The following ZNF519 variants were observed in gnomAD, a reference collection of about 807,000 sequenced individuals.
The protein encoded by ZNF519 is zinc finger protein 519.
Under a neutral mutation model 7.4 loss-of-function variants are expected in ZNF519, and 7 were observed. The ratio of observed to expected loss-of-function variants is 0.94; its 90% CI spans 0.54 to 1.77. The LOEUF is 1.77. ZNF519 is among the 40% of genes most tolerant of loss of function. The probability of loss-of-function intolerance (pLI) is 0.00; values close to 1 mark genes in which losing one functional copy is unlikely to be tolerated. For missense variants in ZNF519, 586 were observed against 623.1 expected, an observed-to-expected ratio of 0.94 and a Z score of 0.63; for synonymous variants, 179 against 203.3, an observed-to-expected ratio of 0.88 and a Z score of 1.02.
chr18:14,120,242 C>T (rs948449989), intron 2 of ZNF519, among the ~76,000 whole-genome samples: 2 of 152,138 alleles, frequency 1.3e-5, no homozygotes, highest in Middle Eastern at 6.8e-3. Context: ...AGAAGCAATC[C>T]ATGCATACAA....
At chr18:14,132,189 G>C in intron 1 of ZNF519, 86 bp downstream of exon 1, 1 of 1,520,912 alleles carries the variant, frequency 6.6e-7, no homozygotes, top group Non-Finnish European at 9.1e-7. Context: ...GACTCGACTC[G>C]CAGACTAGGT....
At chr18:14,077,862 G>A (rs544761129) in intron 4 of ZNF519, among the ~76,000 whole-genome samples, 143 of 152,302 alleles carry the variant, frequency 9.4e-4, no homozygotes, top group Non-Finnish European at 1.6e-3. Flanking sequence ...TATGAATAAA[G>A]AAATGGGATC....
chr18:14,104,022 AT>A lies in ZNF519; in HGVS notation c.*894del, dbSNP rs1279740200. ...TGATACCATGACCTATGTTAAAAAA[AT>A]GTGTTCTCTCTTTTCTTAAACTGAG... is the stretch of plus-strand genomic sequence containing the variant. On this transcript the variant is annotated 3_prime_UTR_variant, in exon 3 of 3. Transcript: ENST00000590202. The A allele has an allele frequency of 1.3e-5, 2 of 152,204 alleles. No homozygotes were observed. Among genetic ancestry groups the A allele is most frequent in the African/African-American group, 4.8e-5 (2 of 41,464 alleles). The allele number at this position is 152,204 out of a possible 1,614,324, so 9.4% of individuals were successfully genotyped here.
intron 2 of ZNF519, among the ~76,000 whole-genome samples, chr18:14,085,516 A>T (rs2046087084): frequency 1.3e-5 from 2 of 152,162 alleles, no homozygotes; most frequent in South Asian, 4.1e-4. Context: ...CATGAAATTA[A>T]ACAACTATCC....
At chr18:14,118,219 C>G (rs1333105062) in intron 2 of ZNF519, among the ~76,000 whole-genome samples, 2 of 152,008 alleles carry the variant, frequency 1.3e-5, no homozygotes, top group Non-Finnish European at 2.9e-5. Flanking sequence ...CCACCACGCC[C>G]AGCTAATTTT....
At chr18:14,092,411 G>A (rs2046118038) in intron 2 of ZNF519, among the ~76,000 whole-genome samples, 1 of 152,156 alleles carries the variant, frequency 6.6e-6, no homozygotes, top group Non-Finnish European at 1.5e-5. Flanking sequence ...AAGTAATCAG[G>A]GGGATATAAG....
intron 2 of ZNF519, among the ~76,000 whole-genome samples, chr18:14,091,669 G>C (rs769136464): frequency 2.6e-5 from 4 of 152,100 alleles, no homozygotes; most frequent in Non-Finnish European, 5.9e-5. Flanking sequence ...ATTAAATAAA[G>C]GCATAAATGG....
At chr18:14,132,061 G>A (rs1219252384) in intron 1 of ZNF519, among the ~76,000 whole-genome samples, 1 of 152,122 alleles carries the variant, frequency 6.6e-6, no homozygotes, top group Admixed American at 6.5e-5. Context: ...GGAAGATGCA[G>A]GGCTGCGGGC....
chr18:14,102,326 C>A lies in ZNF519; in HGVS notation c.*2591G>T, dbSNP rs1169531015. ...GGGATTACAGGAGCCCACCACCACA[C>A]CCAGCTAATTTTTTGTATTTTTGGT... On this transcript the variant is annotated 3_prime_UTR_variant, in exon 3 of 3. Transcript: ENST00000590202. 2.6e-5 allele frequency: 4 copies of A among 152,128 alleles called. No homozygotes were observed. Among genetic ancestry groups the A allele is most frequent in the Non-Finnish European group, 5.9e-5 (4 of 68,070 alleles). 9.4% of individuals were successfully genotyped at this position (152,128 alleles called of 1,614,324 possible). A position where few individuals can be genotyped will look rare whatever the true frequency, so the allele number is the denominator to read the frequency against.
intron 2 of ZNF519, chr18:14,122,668 A>G (rs1455971713): frequency 6.6e-6 from 1 of 152,164 alleles, no homozygotes; most frequent in Non-Finnish European, 1.5e-5. Flanking sequence ...CCTATCTGTG[A>G]ATATGAAAAC....
At chr18:14,097,515 G>A (rs9953050), downstream of ZNF519, among the ~76,000 whole-genome samples, 3,392 of 152,260 alleles carry the variant, frequency 0.022, 128 homozygotes, top group African/African-American at 0.075. Context: ...ATAACCTGGC[G>A]TTGAAGGTGG....
At chr18:14,087,841 C>T (rs769046634) in intron 2 of ZNF519, among the ~76,000 whole-genome samples, 6 of 152,124 alleles carry the variant, frequency 3.9e-5, no homozygotes, top group Non-Finnish European at 7.4e-5. Context: ...ATATTTTGTA[C>T]ATTAAAGTAA....
chr18:14,074,960 C>G (rs767958366), downstream of ZNF519: 4 of 152,146 alleles, frequency 2.6e-5, no homozygotes, highest in Non-Finnish European at 4.4e-5. Flanking sequence ...AAAGGTTTAA[C>G]AAACTTTCAG....
intron 2 of ZNF519, among the ~76,000 whole-genome samples, chr18:14,088,591 T>C (rs928870171): frequency 1.3e-5 from 2 of 152,208 alleles, no homozygotes; most frequent in African/African-American, 2.4e-5. Flanking sequence ...AAATGAGTTC[T>C]GGCATATCCA....
chr18:14,124,971 T>C (rs1279454330), intron 1 of ZNF519, among the ~76,000 whole-genome samples: 1 of 152,188 alleles, frequency 6.6e-6, no homozygotes, highest in Non-Finnish European at 1.5e-5. Flanking sequence ...CCTCTCAAGC[T>C]TCAATGTGCA....
chr18:14,102,511 C>T lies in ZNF519; in HGVS notation c.*2406G>A, dbSNP rs1208645199. 3 of 152,122 alleles carry T rather than the reference C, an allele frequency of 2.0e-5. No homozygotes were observed. The highest frequency in any genetic ancestry group is 4.4e-5 in the Non-Finnish European group (3 of 68,036). 9.4% of individuals were successfully genotyped at this position (152,122 alleles called of 1,614,324 possible). ...GAGGCACAGATGCTGGAAACTACTA[C>T]CCTTACTGAATGCAGAAAAAGCAAA... On this transcript the variant is annotated 3_prime_UTR_variant, in exon 3 of 3. Transcript: ENST00000590202.
downstream of ZNF519, chr18:14,074,489 A>T (rs2046040253): frequency 6.5e-6 from 1 of 154,382 alleles, no homozygotes; most frequent in African/African-American, 2.4e-5. Flanking sequence ...TGCCTTTAAC[A>T]GCACCCAAGT....
At chr18:14,089,567 GT>G (rs1328384964) in intron 2 of ZNF519, among the ~76,000 whole-genome samples, 1 of 125,220 alleles carries the variant, frequency 8.0e-6, no homozygotes, top group African/African-American at 3.0e-5. Flanking sequence ...AATAATGTAT[GT>G]TAACAGAAAT....
chr18:14,129,217 A>G (rs1361224330), intron 1 of ZNF519, among the ~76,000 whole-genome samples: 5 of 152,194 alleles, frequency 3.3e-5, no homozygotes, highest in Admixed American at 6.5e-5. Context: ...CAGGTTCCCG[A>G]TAGAGATTCA....
Sources: gnomAD v4.1 joint callset for allele counts (sites outside exome capture counted in the v4.1 genomes callset) on GRCh38, gnomAD v4.1.1 for gene constraint, MANE v1.5 for transcripts, NCBI Gene and HGNC (gene_info 2026-07-23, HGNC 2026-07-21) for gene names.